Variants in TSHZ2 observed in about 807,000 individuals in gnomAD.
The protein encoded by TSHZ2 is teashirt zinc finger homeobox 2, also known as teashirt homolog 2.
TSHZ2 carries 21 observed loss-of-function variants against 74.4 expected under a neutral mutation model. The ratio of observed to expected loss-of-function variants is 0.28; its 90% CI spans 0.20 to 0.41. TSHZ2 has a LOEUF of 0.41. Among genes scored for constraint, TSHZ2 ranks in the 10% least tolerant of loss-of-function variants. The pLI, the probability that TSHZ2 is intolerant of heterozygous loss-of-function variation, is 1.00. For synonymous variants in TSHZ2, 540 were observed against 515.3 expected, an observed-to-expected ratio of 1.05 and a Z score of -0.65; for missense variants, 1,244 against 1,293.5, an observed-to-expected ratio of 0.96 and a Z score of 0.59.
intron 2 of TSHZ2, among the ~76,000 whole-genome samples, chr20:53,411,322 T>A (rs1983046909): frequency 6.6e-6 from 1 of 152,170 alleles, no homozygotes; most frequent in Non-Finnish European, 1.5e-5. Flanking sequence ...GAGAAAACTG[T>A]GAGCACTTCC....
At chr20:53,150,729 AGAAG>A (rs1987657038) in intron 1 of TSHZ2, among the ~76,000 whole-genome samples, 1 of 152,042 alleles carries the variant, frequency 6.6e-6, no homozygotes, top group Admixed American at 6.5e-5. Flanking sequence ...GAAAAGAAAA[AGAAG>A]GAGGGAAGAA....
Position 53,268,288 on chromosome 20 carries a change from T to G in TSHZ2, c.*8+11717T>G, listed in dbSNP as rs551305862. Among the ~76,000 whole-genome samples, 15 of 152,308 alleles carry G rather than the reference T, an allele frequency of 9.8e-5. No homozygotes were observed. In the South Asian group the frequency reaches 2.7e-3, roughly 27 times the overall value. On this transcript the variant is annotated intron_variant, in intron 2 of 2. Coordinates refer to ENST00000371497, the MANE Select transcript of TSHZ2 (RefSeq NM_173485.6). ...CAGATTGAATTACTTACTATTCATT[T>G]CGTGTCACGTCAACAAAGATGGGAA...
intron 1 of TSHZ2, among the ~76,000 whole-genome samples, chr20:53,122,462 G>A (rs999696433): frequency 6.6e-6 from 1 of 152,042 alleles, no homozygotes; most frequent in Non-Finnish European, 1.5e-5. Flanking sequence ...TAGACTTCAA[G>A]TTAATTTCTA....
At chr20:53,362,331 C>T (rs907318662) in intron 2 of TSHZ2, among the ~76,000 whole-genome samples, 5 of 152,042 alleles carry the variant, frequency 3.3e-5, no homozygotes, top group Non-Finnish European at 7.4e-5. Flanking sequence ...ACTACAGACG[C>T]CCGCCACCAC....
chr20:53,052,433 T>G (rs1984503824), intron 1 of TSHZ2, among the ~76,000 whole-genome samples: 1 of 152,170 alleles, frequency 6.6e-6, no homozygotes, highest in South Asian at 2.1e-4. Flanking sequence ...CTAGGTTATG[T>G]GCTCCTTATG....
Position 53,256,342 on chromosome 20 carries a change from G to A in TSHZ2, c.2884G>A (p.Asp962Asn), listed in dbSNP as rs773680698. Reference sequence around the variant, plus strand: ...GAAGGACATGACCCGCTTGTCAGTGGACCAGCAAAGCAAGGTGGAGCAAGA... The same window carrying A: ...GAAGGACATGACCCGCTTGTCAGTGAACCAGCAAAGCAAGGTGGAGCAAGA... ...QMKDMTRLSV[D>N]QQSKVEQEIS... Residue 962 changes from aspartate to asparagine, a missense_variant, in exon 2 of 3, where the codon GAC (aspartate) becomes AAC (asparagine). Asp to Asn is a conservative substitution (Grantham distance 23). Around this residue, in one of 6 missense-constraint regions of TSHZ2, gnomAD observed 185 missense variants for 213.3 expected, o/e 0.87. Coordinates refer to ENST00000371497, the MANE Select transcript of TSHZ2 (RefSeq NM_173485.6). The surrounding 1 kb of genome is among the most constrained non-coding windows in gnomAD (Gnocchi z 4.3). The A allele has an allele frequency of 1.1e-5, 18 of 1,613,594 alleles. No individual in the cohort carries two copies. In the South Asian group the frequency reaches 1.9e-4, roughly 17 times the overall value.
intron 2 of TSHZ2, chr20:53,400,240 GA>G (rs1982608025): frequency 6.6e-6 from 1 of 152,240 alleles, no homozygotes; most frequent in Non-Finnish European, 1.5e-5. Context: ...GTGCCTGCTA[GA>G]TGTCATTTTA....
intron 2 of TSHZ2, among the ~76,000 whole-genome samples, chr20:53,262,659 C>G (rs1188420531): frequency 6.6e-6 from 1 of 152,080 alleles, no homozygotes; most frequent in Non-Finnish European, 1.5e-5. Flanking sequence ...GATGCCACGC[C>G]CTGCAAGAAT....
intron 1 of TSHZ2, among the ~76,000 whole-genome samples, chr20:53,001,216 G>GTGTGTGTGTGTA: frequency 7.0e-6 from 1 of 142,660 alleles, no homozygotes; most frequent in Middle Eastern, 3.5e-3. Flanking sequence ...GTGTGTGTGT[G>GTGTGTGTGTGTA]TGTGTGTGTG....
At chr20:53,113,243 T>A (rs1986581913) in intron 1 of TSHZ2, among the ~76,000 whole-genome samples, 1 of 152,240 alleles carries the variant, frequency 6.6e-6, no homozygotes, top group African/African-American at 2.4e-5. Flanking sequence ...GAGAACGCAG[T>A]AAGAATGATG....
At chr20:53,149,823 T>G (rs1013695585) in intron 1 of TSHZ2, among the ~76,000 whole-genome samples, 18 of 152,168 alleles carry the variant, frequency 1.2e-4, no homozygotes, top group Non-Finnish European at 2.4e-4. Context: ...CAAAGAGACA[T>G]TTACAGCATC....
chr20:53,273,927 C>T (rs1017722081), intron 2 of TSHZ2, among the ~76,000 whole-genome samples: 1 of 152,142 alleles, frequency 6.6e-6, no homozygotes, highest in African/African-American at 2.4e-5. Context: ...CCTGGACCAC[C>T]CGGACTCCCA....
intron 2 of TSHZ2, among the ~76,000 whole-genome samples, chr20:53,478,853 A>T (rs1489086450): frequency 1.3e-5 from 2 of 149,478 alleles, no homozygotes; most frequent in African/African-American, 5.0e-5. Flanking sequence ...CACAAACCGC[A>T]AAAAGAAATC....
chr20:53,427,718 A>G (rs532001621), intron 2 of TSHZ2, among the ~76,000 whole-genome samples: 1 of 152,196 alleles, frequency 6.6e-6, no homozygotes, highest in African/African-American at 2.4e-5. Flanking sequence ...GTAGAGGGTC[A>G]CCTCCCGGGA....
chr20:53,064,129 G>T (rs1312024844), intron 1 of TSHZ2, among the ~76,000 whole-genome samples: 1 of 152,088 alleles, frequency 6.6e-6, no homozygotes, highest in African/African-American at 2.4e-5. Context: ...TAGTCAACAG[G>T]TATTTATGAC....
intron 2 of TSHZ2, among the ~76,000 whole-genome samples, chr20:53,336,426 T>A (rs771232251): frequency 4.6e-5 from 7 of 152,326 alleles, no homozygotes; most frequent in African/African-American, 1.7e-4. Flanking sequence ...GATTATAAGA[T>A]GTGTCATTAT....
intron 2 of TSHZ2, among the ~76,000 whole-genome samples, chr20:53,439,702 C>T (rs991402212): frequency 1.6e-4 from 25 of 152,096 alleles, no homozygotes; most frequent in Non-Finnish European, 2.8e-4. Flanking sequence ...GAGTTGGAAG[C>T]GCTGTGTCTG....
chr20:53,405,894 G>A (rs1982834863), intron 2 of TSHZ2, among the ~76,000 whole-genome samples: 1 of 152,142 alleles, frequency 6.6e-6, no homozygotes, highest in South Asian at 2.1e-4. Context: ...CTACTCTGGA[G>A]GCTGAGGTGG....
intron 1 of TSHZ2, among the ~76,000 whole-genome samples, chr20:53,161,129 G>GAAAAAAAAAA (rs1470010170): frequency 3.5e-4 from 7 of 20,020 alleles, no homozygotes; most frequent in Non-Finnish European, 5.3e-4. Flanking sequence ...GTTATTTTCA[G>GAAAAAAAAAA]CAAAAAAAAA....
Sources: gnomAD v4.1 joint callset for allele counts (sites outside exome capture counted in the v4.1 genomes callset) on GRCh38, gnomAD v4.1.1 for gene constraint, gnomAD v4.1.1 regional missense constraint, Gnocchi (gnomAD v3.1) non-coding constraint, MANE v1.5 for transcripts, NCBI Gene and HGNC (gene_info 2026-07-23, HGNC 2026-07-21) for gene names.